Variants in TANC2 observed in about 807,000 individuals in gnomAD.
The protein encoded by TANC2 is protein TANC2.
Under a neutral mutation model 210.5 loss-of-function variants are expected in TANC2, and 26 were observed. The observed-to-expected ratio is 0.12, with a 90% CI of 0.09 to 0.17. The LOEUF is 0.17. Ranked by LOEUF, TANC2 falls within the 10% of genes least tolerant of loss-of-function variation. The pLI is 1.00. For missense variants in TANC2, 2,129 were observed against 2,608.9 expected, an observed-to-expected ratio of 0.82 and a Z score of 4.01; for synonymous variants, 931 against 967.1, an observed-to-expected ratio of 0.96 and a Z score of 0.69.
intron 5 of TANC2, among the ~76,000 whole-genome samples, chr17:63,156,718 TC>T (rs1300778091): frequency 6.6e-6 from 1 of 151,936 alleles, no homozygotes. Flanking sequence ...CTTTTTTTTT[TC>T]TCTCTCTCTC....
chr17:63,112,308 T>C (rs939537537), intron 4 of TANC2, among the ~76,000 whole-genome samples: 1 of 152,080 alleles, frequency 6.6e-6, no homozygotes, highest in African/African-American at 2.4e-5. Flanking sequence ...GGATCAGCAG[T>C]AGGGTAATTG....
chr17:62,992,143 T>C (rs1161598071), intron 1 of TANC2, among the ~76,000 whole-genome samples: 1 of 152,186 alleles, frequency 6.6e-6, no homozygotes, highest in Non-Finnish European at 1.5e-5. Context: ...TTTTACGTAA[T>C]AGACTTAAGC....
intron 1 of TANC2, among the ~76,000 whole-genome samples, chr17:62,970,106 T>C (rs184258781): frequency 6.6e-5 from 10 of 152,328 alleles, no homozygotes; most frequent in Admixed American, 2.6e-4. Flanking sequence ...AGTTATTTTC[T>C]TCTCTTAGCC....
At chr17:62,983,598 G>A (rs2143460386) in intron 1 of TANC2, among the ~76,000 whole-genome samples, 1 of 152,118 alleles carries the variant, frequency 6.6e-6, no homozygotes, top group East Asian at 1.9e-4. Context: ...TGTTAGCTGT[G>A]AGTTTGTCAT....
chr17:63,337,102 A>C (rs17687079), intron 11 of TANC2, among the ~76,000 whole-genome samples: 4,881 of 152,312 alleles, frequency 0.032, 88 homozygotes, highest in African/African-American at 0.046. Context: ...GTATGTGCAT[A>C]TACCTACTAC....
intron 15 of TANC2, chr17:63,381,090 A>G (rs2047593127): frequency 1.3e-5 from 2 of 152,360 alleles, no homozygotes; most frequent in African/African-American, 4.8e-5. Context: ...GCCTAGAATC[A>G]GATGCAAAAA....
chr17:63,081,355 A>G (rs1308756265), intron 3 of TANC2, among the ~76,000 whole-genome samples: 1 of 152,248 alleles, frequency 6.6e-6, no homozygotes, highest in Admixed American at 6.5e-5. Flanking sequence ...AGACATTTAA[A>G]AAGGATATGT....
At chr17:62,998,143 A>G (rs931205163) in intron 1 of TANC2, among the ~76,000 whole-genome samples, 3 of 152,248 alleles carry the variant, frequency 2.0e-5, no homozygotes, top group Non-Finnish European at 4.4e-5. Flanking sequence ...TATTAACAGC[A>G]GAATCAACCA....
chr17:63,261,824 ACT>A (rs902887884), intron 8 of TANC2, among the ~76,000 whole-genome samples: 2 of 152,158 alleles, frequency 1.3e-5, no homozygotes, highest in African/African-American at 2.4e-5. Context: ...AGCACAACAA[ACT>A]CTGTATTTTA....
chr17:63,186,083 T>C (rs2040972450), intron 5 of TANC2, among the ~76,000 whole-genome samples: 1 of 152,168 alleles, frequency 6.6e-6, no homozygotes, highest in Admixed American at 6.5e-5. Flanking sequence ...ATATGAAACT[T>C]ATTCTTTTAA....
intron 9 of TANC2, among the ~76,000 whole-genome samples, chr17:63,289,384 G>T (rs912866273): frequency 2.0e-5 from 3 of 150,994 alleles, no homozygotes; most frequent in Non-Finnish European, 2.9e-5. Flanking sequence ...CGTTCTCTTC[G>T]TTTTTCAGTT....
At chr17:63,141,396 A>T (rs1298677094) in intron 4 of TANC2, among the ~76,000 whole-genome samples, 2 of 138,192 alleles carry the variant, frequency 1.4e-5, no homozygotes, top group Admixed American at 1.4e-4. Context: ...AAAAAAAAAA[A>T]AAAAAAAAAA....
At chr17:63,287,694 T>C (rs1475855359) in intron 9 of TANC2, among the ~76,000 whole-genome samples, 2 of 151,878 alleles carry the variant, frequency 1.3e-5, no homozygotes, top group Non-Finnish European at 2.9e-5. Context: ...ATATTTTTTT[T>C]TTTTTTGAGG....
intron 7 of TANC2, among the ~76,000 whole-genome samples, chr17:63,232,908 T>A (rs1235516778): frequency 6.6e-6 from 1 of 152,212 alleles, no homozygotes; most frequent in Admixed American, 6.5e-5. Context: ...CGGCTGCCTC[T>A]CCTTCTGGGG....
intron 11 of TANC2, among the ~76,000 whole-genome samples, chr17:63,330,486 A>G (rs1278758545): frequency 6.6e-6 from 1 of 152,212 alleles, no homozygotes; most frequent in African/African-American, 2.4e-5. Context: ...CATGACAATA[A>G]ACAATGGTTT....
intron 7 of TANC2, among the ~76,000 whole-genome samples, chr17:63,206,547 T>G (rs766276786): frequency 6.6e-6 from 1 of 152,332 alleles, no homozygotes; most frequent in South Asian, 2.1e-4. Context: ...TGATGTATGC[T>G]ACAACATGGA....
At chr17:63,276,105 A>G (rs2043864547) in intron 9 of TANC2, among the ~76,000 whole-genome samples, 3 of 152,146 alleles carry the variant, frequency 2.0e-5, no homozygotes, top group South Asian at 4.1e-4. Context: ...TAAGTTTTTT[A>G]ATCTTGTAGT....
At chr17:63,246,717 A>G (rs949653883) in intron 8 of TANC2, among the ~76,000 whole-genome samples, 2 of 152,066 alleles carry the variant, frequency 1.3e-5, no homozygotes, top group Admixed American at 6.6e-5. Flanking sequence ...TTACCATTTG[A>G]TAGACATTGT....
intron 2 of TANC2, among the ~76,000 whole-genome samples, chr17:63,034,308 A>G (rs2034888564): frequency 6.6e-6 from 1 of 152,186 alleles, no homozygotes; most frequent in African/African-American, 2.4e-5. Context: ...TGCTCTATAA[A>G]TGGAACAATA....
Sources: allele counts gnomAD v4.1 joint callset (sites outside exome capture counted in the v4.1 genomes callset), GRCh38; gene constraint gnomAD v4.1.1; transcripts MANE v1.5; gene names NCBI Gene and HGNC (gene_info 2026-07-23, HGNC 2026-07-21).